The following TCF4 variants were observed in gnomAD, a reference collection of about 807,000 sequenced individuals.
TCF4 encodes SL3-3 enhancer factor 2.
A neutral mutation model predicts 82.1 loss-of-function variants in TCF4; 3 were observed. The ratio of observed to expected loss-of-function variants is 0.04; its 90% CI spans 0.02 to 0.09. TCF4 has a LOEUF of 0.09. Among genes scored for constraint, TCF4 ranks in the 10% least tolerant of loss-of-function variants. The pLI is 1.00. For synonymous variants in TCF4, 276 were observed against 309.6 expected, an observed-to-expected ratio of 0.89 and a Z score of 1.14; for missense variants, 518 against 852.7, an observed-to-expected ratio of 0.61 and a Z score of 4.89.
intron 3 of TCF4, among the ~76,000 whole-genome samples, chr18:55,538,938 T>C (rs1431228858): frequency 2.0e-5 from 3 of 152,010 alleles, no homozygotes; most frequent in Non-Finnish European, 4.4e-5. Flanking sequence ...ATCCACATAA[T>C]AATTGATCTT....
intron 6 of TCF4, among the ~76,000 whole-genome samples, chr18:55,380,951 T>A (rs1234241885): frequency 1.3e-5 from 2 of 152,220 alleles, no homozygotes; most frequent in Non-Finnish European, 2.9e-5. Context: ...TACTTTCCAA[T>A]CATCTTGCCC....
At chr18:55,484,878 T>C (rs1428207081) in intron 3 of TCF4, among the ~76,000 whole-genome samples, 1 of 152,236 alleles carries the variant, frequency 6.6e-6, no homozygotes, top group African/African-American at 2.4e-5. Context: ...TTTGGTATAA[T>C]TGCTATTTGT....
At chr18:55,340,092 G>A (rs563572108) in intron 8 of TCF4, among the ~76,000 whole-genome samples, 2 of 152,254 alleles carry the variant, frequency 1.3e-5, no homozygotes, top group South Asian at 4.1e-4. Context: ...CCCCACCAAG[G>A]GGCTGTGCAT....
chr18:55,232,427 T>C, intron 17 of TCF4, 82 bp downstream of exon 17: 1 of 1,540,990 alleles, frequency 6.5e-7, no homozygotes, highest in Non-Finnish European at 8.9e-7. Context: ...AGGAAAAAAC[T>C]GAATAGTTTC....
intron 11 of TCF4, 197 bp downstream of exon 11, chr18:55,269,634 G>A: frequency 1.4e-6 from 1 of 705,278 alleles, no homozygotes; most frequent in Non-Finnish European, 2.4e-6. Flanking sequence ...CTAAATTTCA[G>A]TGTCTTGTGA....
Position 55,283,656 on chromosome 18 carries a change from T to C in TCF4, c.550-4000A>G, listed in dbSNP as rs367733988. 1.8e-4 allele frequency among the ~76,000 whole-genome samples: 27 copies of C among 152,324 alleles called. No homozygotes were observed. In the East Asian group the frequency reaches 4.8e-3, roughly 27 times the overall value. On this transcript the variant is annotated intron_variant, in intron 8 of 19. Transcript: ENST00000354452. ...AAACCAGCTTGGGTCTGACTGCAAA[T>C]TCCACCATTTATTAACTAGGCAATC...
chr18:55,588,654 G>T, upstream of TCF4: 1 of 1,339,936 alleles, frequency 7.5e-7, no homozygotes, highest in African/African-American at 1.5e-5. Flanking sequence ...ATACTAGGCT[G>T]CAAATACACG....
intron 8 of TCF4, among the ~76,000 whole-genome samples, chr18:55,347,456 C>T (rs2081435698): frequency 6.6e-6 from 1 of 152,136 alleles, no homozygotes; most frequent in Admixed American, 6.5e-5. Flanking sequence ...TGTTATCCCA[C>T]CATCGTGTCA....
At chr18:55,250,947 T>C (rs1213881685) in intron 15 of TCF4, among the ~76,000 whole-genome samples, 2 of 152,150 alleles carry the variant, frequency 1.3e-5, no homozygotes, top group Non-Finnish European at 2.9e-5. Context: ...AAGGGAAGGC[T>C]TCCTGGAAGA....
At chr18:55,620,970 A>G (rs937215831) in intron 2 of TCF4, among the ~76,000 whole-genome samples, 4 of 152,086 alleles carry the variant, frequency 2.6e-5, no homozygotes, top group African/African-American at 9.7e-5. Context: ...AAAGAAAAAT[A>G]TTATTGTTGA....
chr18:55,286,452 T>TA (rs778592331), intron 8 of TCF4, among the ~76,000 whole-genome samples: 3 of 152,210 alleles, frequency 2.0e-5, no homozygotes, highest in Non-Finnish European at 4.4e-5. Flanking sequence ...TGAAAGGACT[T>TA]ACGCCAGGGC....
intron 3 of TCF4, among the ~76,000 whole-genome samples, chr18:55,498,383 G>T (rs1011856434): frequency 6.6e-6 from 1 of 152,122 alleles, no homozygotes; most frequent in Admixed American, 6.5e-5. Context: ...GGGGCCCAGG[G>T]TTTCTGCCAT....
chr18:55,505,454 C>G (rs1285132926), intron 3 of TCF4, among the ~76,000 whole-genome samples: 2 of 151,946 alleles, frequency 1.3e-5, no homozygotes, highest in African/African-American at 2.4e-5. Context: ...TTATTTAGTC[C>G]TCAGTATGAT....
At position 55,279,724 on chromosome 18, in the gene TCF4, T is replaced by C. The variant is rs750723004; in HGVS notation, c.550-68A>G. The C allele has an allele frequency of 1.0e-5, 16 of 1,605,916 alleles. No individual in the cohort carries two copies. The East Asian group carries it at 1.6e-4, about 16-fold the overall frequency. On this transcript the variant is annotated intron_variant, in intron 8 of 19. Coordinates refer to ENST00000354452, the MANE Select transcript of TCF4 (RefSeq NM_001083962.2). ...CACAGCAGCCCAAGCTCCATTCTTA[T>C]ATAAGAAGTAGGCAGAAAGTGCTAC...
chr18:55,589,724 C>T, upstream of TCF4: 1 of 1,026,300 alleles, frequency 9.7e-7, no homozygotes, highest in Non-Finnish European at 1.2e-6. Context: ...CCATGGACTC[C>T]CCCGTGGAGT....
rs1296868449 is a variant in TCF4 at position 55,225,518 on chromosome 18, G to C, written c.*2517C>G. 1 of 152,504 alleles carries C rather than the reference G, an allele frequency of 6.6e-6. No individual in the cohort carries two copies. Among genetic ancestry groups the C allele is most frequent in the African/African-American group, 2.4e-5 (1 of 41,414 alleles). The allele number at this position is 152,504 out of a possible 1,614,324, so 9.4% of individuals were successfully genotyped here. A position where few individuals can be genotyped will look rare whatever the true frequency, so the allele number is the denominator to read the frequency against. The stretch of plus-strand genomic sequence containing the variant: ...TGTACACTTATCCTGAATGTGATCA[G>C]AGTATACCTGCTTCCTATATAATAT... On this transcript the variant is annotated 3_prime_UTR_variant, in exon 20 of 20. Transcript: ENST00000354452.
chr18:55,526,782 C>T (rs2096989140), intron 3 of TCF4, among the ~76,000 whole-genome samples: 1 of 151,782 alleles, frequency 6.6e-6, no homozygotes, highest in Non-Finnish European at 1.5e-5. Flanking sequence ...CCAGATCTAA[C>T]CCTCAACTGG....
At chr18:55,570,087 A>C (rs1180065733) in intron 3 of TCF4, among the ~76,000 whole-genome samples, 1 of 152,198 alleles carries the variant, frequency 6.6e-6, no homozygotes, top group Non-Finnish European at 1.5e-5. Flanking sequence ...AAAGGCCCAG[A>C]AGGAAAGACC....
intron 5 of TCF4, among the ~76,000 whole-genome samples, chr18:55,432,017 C>A (rs1372956023): frequency 6.6e-6 from 1 of 152,090 alleles, no homozygotes; most frequent in East Asian, 1.9e-4. Flanking sequence ...AAATGATAAT[C>A]TGGGCTGGGC....
Sources: gnomAD v4.1 joint callset for allele counts (sites outside exome capture counted in the v4.1 genomes callset) on GRCh38, gnomAD v4.1.1 for gene constraint, MANE v1.5 for transcripts, NCBI Gene and HGNC (gene_info 2026-07-23, HGNC 2026-07-21) for gene names.